Variants in XYLT1 observed in about 807,000 individuals in gnomAD.
XYLT1 encodes the protein beta-D-xylosyltransferase 1.
Under a neutral mutation model 91.3 loss-of-function variants are expected in XYLT1, and 36 were observed. That is an observed-to-expected ratio of 0.39 (90% CI 0.30 to 0.52). The LOEUF (loss-of-function observed/expected upper bound fraction) is 0.52. XYLT1 is among the 20% of genes least tolerant of loss of function. The probability of loss-of-function intolerance (pLI) is 0.68; values close to 1 mark genes in which losing one functional copy is unlikely to be tolerated. For synonymous variants in XYLT1, 588 were observed against 532.0 expected, an observed-to-expected ratio of 1.11 and a Z score of -1.45; for missense variants, 1,242 against 1,284.5, an observed-to-expected ratio of 0.97 and a Z score of 0.51.
At chr16:17,456,230 T>TC (rs2036739876) in intron 1 of XYLT1, among the ~76,000 whole-genome samples, 1 of 151,822 alleles carries the variant, frequency 6.6e-6, no homozygotes. Flanking sequence ...AGGCAATAAG[T>TC]CACTCTGTAC....
At chr16:17,465,801 A>G (rs971734506) in intron 1 of XYLT1, among the ~76,000 whole-genome samples, 48 of 152,334 alleles carry the variant, frequency 3.2e-4, no homozygotes, top group African/African-American at 1.2e-3. Context: ...CCTTTTAAGA[A>G]CAGCTCATTT....
intron 1 of XYLT1, among the ~76,000 whole-genome samples, chr16:17,445,402 A>G (rs2036579386): frequency 6.6e-6 from 1 of 152,258 alleles, no homozygotes; most frequent in African/African-American, 2.4e-5. Context: ...CCATTGTTAA[A>G]GAAAGAGGTG....
At chr16:17,408,063 C>T (rs1041100192) in intron 1 of XYLT1, among the ~76,000 whole-genome samples, 2 of 152,198 alleles carry the variant, frequency 1.3e-5, no homozygotes, top group African/African-American at 2.4e-5. Flanking sequence ...TAATCTTGAA[C>T]TTACCAGCCA....
intron 2 of XYLT1, among the ~76,000 whole-genome samples, chr16:17,343,297 G>GACAGGCCTCCGGGATTGTGCC (rs1282877419): frequency 1.3e-5 from 2 of 152,160 alleles, no homozygotes; most frequent in African/African-American, 4.8e-5. Context: ...TCTTTCAGGG[G>GACAGGCCTCCGGGATTGTGCC]ACAGGCCTCC....
chr16:17,367,938 G>A (rs2035476143), intron 1 of XYLT1, among the ~76,000 whole-genome samples: 1 of 152,128 alleles, frequency 6.6e-6, no homozygotes, highest in Admixed American at 6.5e-5. Flanking sequence ...TACCAAATCT[G>A]GAGTTCATCC....
chr16:17,297,946 G>A (rs972073891), intron 2 of XYLT1, among the ~76,000 whole-genome samples: 39 of 152,056 alleles, frequency 2.6e-4, no homozygotes, highest in African/African-American at 9.2e-4. Flanking sequence ...GCGTGAACCC[G>A]GGAGGTGGAG....
intron 1 of XYLT1, among the ~76,000 whole-genome samples, chr16:17,408,822 C>T (rs547507803): frequency 2.0e-5 from 3 of 151,990 alleles, no homozygotes; most frequent in Non-Finnish European, 4.4e-5. Flanking sequence ...CACTCCAGCC[C>T]GGGCAACAAG....
chr16:17,218,136 T>C (rs1403612110), intron 3 of XYLT1, among the ~76,000 whole-genome samples: 1 of 151,842 alleles, frequency 6.6e-6, no homozygotes, highest in Non-Finnish European at 1.5e-5. Flanking sequence ...TGCGCGCCTG[T>C]AGTTTCAGCT....
chr16:17,423,953 T>A (rs1240691795), intron 1 of XYLT1, among the ~76,000 whole-genome samples: 1 of 152,176 alleles, frequency 6.6e-6, no homozygotes, highest in Non-Finnish European at 1.5e-5. Flanking sequence ...ATTCTCATAG[T>A]ATAAGCAAGT....
At chr16:17,260,142 A>G (rs1351268263) in intron 2 of XYLT1, among the ~76,000 whole-genome samples, 9 of 151,676 alleles carry the variant, frequency 5.9e-5, no homozygotes, top group Admixed American at 5.9e-4. Flanking sequence ...TTGGCTCTTC[A>G]TGTGTGTACA....
chr16:17,374,763 C>A (rs1405731170), intron 1 of XYLT1, among the ~76,000 whole-genome samples: 4 of 152,116 alleles, frequency 2.6e-5, no homozygotes, highest in African/African-American at 9.7e-5. Flanking sequence ...TGCAAGAGTT[C>A]TATGGCTGAG....
rs1361921000 is a variant in XYLT1 at position 17,462,705 on chromosome 16, T to C, written c.363+7729A>G. Among the ~76,000 whole-genome samples, 6 of 152,100 alleles carry C rather than the reference T, an allele frequency of 3.9e-5. No homozygotes were observed. In the East Asian group the frequency reaches 1.2e-3, roughly 29 times the overall value. On this transcript the variant is annotated intron_variant, in intron 1 of 11. Transcript: ENST00000261381. ...CTGTTGTGGTTGAAAGAAAGGCCAT[T>C]GTCCCCGGCCAAAGAACCCTGAACA...
At chr16:17,409,135 T>C (rs746061162) in intron 1 of XYLT1, among the ~76,000 whole-genome samples, 7 of 152,214 alleles carry the variant, frequency 4.6e-5, no homozygotes, top group Non-Finnish European at 7.3e-5. Context: ...AGCAGGAAGC[T>C]GCCAAAGTGT....
At chr16:17,369,317 T>A (rs1445847510) in intron 1 of XYLT1, among the ~76,000 whole-genome samples, 4 of 152,046 alleles carry the variant, frequency 2.6e-5, no homozygotes, top group South Asian at 2.1e-4. Flanking sequence ...ATACTTTTTT[T>A]AAAATTAGGT....
chr16:17,264,600 C>T (rs1004075498), intron 2 of XYLT1, among the ~76,000 whole-genome samples: 4 of 152,162 alleles, frequency 2.6e-5, no homozygotes, highest in Admixed American at 6.5e-5. Flanking sequence ...ACCCAGGATC[C>T]CTTCCCTTCA....
chr16:17,192,201 T>G (rs779982045), intron 5 of XYLT1, among the ~76,000 whole-genome samples: 3 of 151,144 alleles, frequency 2.0e-5, no homozygotes. Flanking sequence ...TGGGTTCAAG[T>G]GATTCTCCTG....
intron 1 of XYLT1, among the ~76,000 whole-genome samples, chr16:17,454,035 T>C (rs1177714405): frequency 6.6e-6 from 1 of 152,236 alleles, no homozygotes; most frequent in Admixed American, 6.5e-5. Flanking sequence ...ATAAGCCTTG[T>C]TACAGAGTTT....
At chr16:17,235,694 T>C (rs1042053308) in intron 3 of XYLT1, among the ~76,000 whole-genome samples, 2 of 152,220 alleles carry the variant, frequency 1.3e-5, no homozygotes, top group East Asian at 3.8e-4. Context: ...TATAGCTTTC[T>C]GGCTTAAAAA....
At chr16:17,297,092 A>G (rs370583446) in intron 2 of XYLT1, among the ~76,000 whole-genome samples, 2 of 152,180 alleles carry the variant, frequency 1.3e-5, no homozygotes, top group East Asian at 1.9e-4. Flanking sequence ...TAACAACTCA[A>G]TGCAGTATTG....
Sources: allele counts gnomAD v4.1 joint callset (sites outside exome capture counted in the v4.1 genomes callset), GRCh38; gene constraint gnomAD v4.1.1; transcripts MANE v1.5; gene names NCBI Gene and HGNC (gene_info 2026-07-23, HGNC 2026-07-21).